The following SKAP1 variants were observed in gnomAD, a reference collection of about 807,000 sequenced individuals.
SKAP1 encodes the protein src kinase-associated phosphoprotein 1.
A neutral mutation model predicts 58.5 loss-of-function variants in SKAP1; 44 were observed. That is an observed-to-expected ratio of 0.75 (90% CI 0.59 to 0.97). The LOEUF (loss-of-function observed/expected upper bound fraction) is 0.97. Ranked by LOEUF, SKAP1 falls within the 50% of genes least tolerant of loss-of-function variation. The pLI is 0.00. For missense variants in SKAP1, 390 were observed against 435.2 expected (o/e 0.90, Z 0.92); for synonymous variants, 127 against 149.7 (o/e 0.85, Z 1.11).
chr17:48,189,050 A>C (rs1482837948), intron 5 of SKAP1, among the ~76,000 whole-genome samples: 2 of 152,212 alleles, frequency 1.3e-5, no homozygotes, highest in African/African-American at 2.4e-5. Flanking sequence ...CTGAAATTTG[A>C]AAGTAGACTG....
At chr17:48,415,272 T>C (rs752685302) in intron 1 of SKAP1, among the ~76,000 whole-genome samples, 28 of 152,010 alleles carry the variant, frequency 1.8e-4, no homozygotes, top group Non-Finnish European at 3.2e-4. Context: ...TATTCTAGCA[T>C]TACACTCAAG....
intron 4 of SKAP1, among the ~76,000 whole-genome samples, chr17:48,227,547 T>C (rs1309745003): frequency 6.6e-6 from 1 of 152,236 alleles, no homozygotes; most frequent in Non-Finnish European, 1.5e-5. Context: ...ACTAACACCT[T>C]GTGTTAAGAA....
chr17:48,427,457 C>T (rs559355270), intron 1 of SKAP1, among the ~76,000 whole-genome samples: 1 of 152,182 alleles, frequency 6.6e-6, no homozygotes, highest in East Asian at 1.9e-4. Flanking sequence ...TGACCTTTCA[C>T]TTCAGTGACA....
At chr17:48,204,617 A>G (rs1372543593) in intron 4 of SKAP1, 1 of 152,200 alleles carries the variant, frequency 6.6e-6, no homozygotes, top group Non-Finnish European at 1.5e-5. Context: ...AAATGGAGCC[A>G]TTATGCCTGG....
At chr17:48,202,489 G>A (rs1035901345) in intron 4 of SKAP1, among the ~76,000 whole-genome samples, 7 of 152,068 alleles carry the variant, frequency 4.6e-5, no homozygotes, top group Admixed American at 2.6e-4. Flanking sequence ...AAATGATGTT[G>A]GCTGTGATAA....
At chr17:48,377,468 C>T (rs1189641919) in intron 2 of SKAP1, 2 of 151,390 alleles carry the variant, frequency 1.3e-5, no homozygotes, top group African/African-American at 2.4e-5. Flanking sequence ...GTCCCAGCTA[C>T]CTAAGAGGCT....
chr17:48,218,340 C>CT (rs2064964248), intron 4 of SKAP1, among the ~76,000 whole-genome samples: 1 of 152,204 alleles, frequency 6.6e-6, no homozygotes, highest in African/African-American at 2.4e-5. Flanking sequence ...TCCATAAACA[C>CT]TGACATTCAC....
intron 1 of SKAP1, among the ~76,000 whole-genome samples, chr17:48,402,971 A>G (rs1207215772): frequency 1.3e-5 from 2 of 152,184 alleles, no homozygotes; most frequent in Non-Finnish European, 2.9e-5. Flanking sequence ...AAATGTTCTA[A>G]AATTTACTGT....
chr17:48,185,143 T>C (rs1413008159), intron 6 of SKAP1: 1 of 272,646 alleles, frequency 3.7e-6, no homozygotes, highest in Non-Finnish European at 6.9e-6. Flanking sequence ...GAAGGAATTA[T>C]TACAGCAGAG....
intron 1 of SKAP1, among the ~76,000 whole-genome samples, chr17:48,410,292 G>A (rs995718255): frequency 2.0e-5 from 3 of 152,156 alleles, no homozygotes; most frequent in African/African-American, 7.2e-5. Context: ...ACATCAGTAA[G>A]AGCCCATGTT....
At chr17:48,190,768 G>A (rs561820547) in intron 4 of SKAP1, among the ~76,000 whole-genome samples, 3 of 152,130 alleles carry the variant, frequency 2.0e-5, no homozygotes, top group East Asian at 3.9e-4. Context: ...GGCAAATCAC[G>A]AGGTCAGGAG....
intron 4 of SKAP1, among the ~76,000 whole-genome samples, chr17:48,298,283 C>G (rs1023469380): frequency 6.6e-6 from 1 of 152,128 alleles, no homozygotes; most frequent in Non-Finnish European, 1.5e-5. Context: ...TCAGAGTGAG[C>G]GTCAACAAAC....
chr17:48,327,657 T>A (rs2066455940), intron 4 of SKAP1, among the ~76,000 whole-genome samples: 1 of 152,180 alleles, frequency 6.6e-6, no homozygotes, highest in African/African-American at 2.4e-5. Context: ...TTCTAAGGTC[T>A]CACTCTTAAC....
intron 4 of SKAP1, among the ~76,000 whole-genome samples, chr17:48,199,100 C>T (rs1055566648): frequency 2.6e-5 from 4 of 152,152 alleles, no homozygotes; most frequent in African/African-American, 9.7e-5. Flanking sequence ...TGCCACTGGA[C>T]TGTGATAAGA....
rs544208776 is a variant in SKAP1 at position 48,396,151 on chromosome 17, T to C, written c.152+529A>G. On this transcript the variant is annotated intron_variant, in intron 2 of 12. Coordinates refer to ENST00000336915, the MANE Select transcript of SKAP1 (RefSeq NM_003726.4). ...TCTCTCAGATGCTCACATTCTAAAA[T>C]GCACAAATTACATCAGGGCCTCTTA... Among the ~76,000 whole-genome samples, 5 of 152,316 alleles carry C rather than the reference T, an allele frequency of 3.3e-5. No individual in the cohort carries two copies. The East Asian group carries it at 7.7e-4, about 23-fold the overall frequency.
At chr17:48,184,522 T>C (rs1317033380) in intron 7 of SKAP1, among the ~76,000 whole-genome samples, 5 of 152,218 alleles carry the variant, frequency 3.3e-5, no homozygotes, top group African/African-American at 9.6e-5. Flanking sequence ...GCAAAGTCTG[T>C]ATCTAAGATG....
the SKAP1 span, among the ~76,000 whole-genome samples, chr17:48,440,072 AGT>A: frequency 6.6e-6 from 1 of 152,194 alleles, no homozygotes; most frequent in African/African-American, 2.4e-5. Flanking sequence ...GGCAGCTGAT[AGT>A]TCAGCAATGC....
intron 4 of SKAP1, among the ~76,000 whole-genome samples, chr17:48,324,071 C>T (rs1333213726): frequency 6.6e-6 from 1 of 151,988 alleles, no homozygotes; most frequent in Non-Finnish European, 1.5e-5. Context: ...AATGACCTTT[C>T]ATTTTAAAAA....
intron 9 of SKAP1, among the ~76,000 whole-genome samples, chr17:48,178,515 C>T (rs1449437996): frequency 6.6e-6 from 1 of 152,030 alleles, no homozygotes; most frequent in Admixed American, 6.6e-5. Context: ...GCAATGGAGC[C>T]GACTGTGAAA....
Sources: allele counts gnomAD v4.1 joint callset (sites outside exome capture counted in the v4.1 genomes callset), GRCh38; gene constraint gnomAD v4.1.1; transcripts MANE v1.5; gene names NCBI Gene and HGNC (gene_info 2026-07-23, HGNC 2026-07-21).